The following NRF1 variants were observed in gnomAD, a reference collection of about 807,000 sequenced individuals.
NRF1 encodes the protein alpha palindromic-binding protein.
In NRF1, 5 loss-of-function variants were observed where a neutral mutation model predicts 58.5. The ratio of observed to expected loss-of-function variants is 0.09; its 90% confidence interval spans 0.04 to 0.18. NRF1 has a LOEUF of 0.18. NRF1 is among the 10% of genes least tolerant of loss of function. The pLI, the probability that NRF1 is intolerant of heterozygous loss-of-function variation, is 1.00. For missense variants in NRF1, 288 were observed against 657.7 expected (o/e 0.44, Z 6.15); for synonymous variants, 224 against 246.7 (o/e 0.91, Z 0.86).
At chr7:129,663,746 A>G (rs2151079234) in intron 2 of NRF1, among the ~76,000 whole-genome samples, 1 of 152,302 alleles carries the variant, frequency 6.6e-6, no homozygotes, top group African/African-American at 2.4e-5. Flanking sequence ...AGAGGCTGTA[A>G]TCTTAGCACT....
intron 4 of NRF1, among the ~76,000 whole-genome samples, chr7:129,679,976 T>C (rs916661856): frequency 1.3e-5 from 2 of 151,424 alleles, no homozygotes; most frequent in African/African-American, 4.9e-5. Flanking sequence ...GAAAATCTCT[T>C]GAACCCAGGA....
At chr7:129,702,028 G>A (rs1213118262) in intron 5 of NRF1, among the ~76,000 whole-genome samples, 1 of 152,172 alleles carries the variant, frequency 6.6e-6, no homozygotes, top group East Asian at 1.9e-4. Flanking sequence ...TGCCTTTCTA[G>A]CATGTATTTA....
chr7:129,725,099 G>T (rs143078701), intron 9 of NRF1, among the ~76,000 whole-genome samples: 2 of 152,128 alleles, frequency 1.3e-5, no homozygotes. Context: ...TAGAATGGTG[G>T]TTGCCAGGGG....
intron 6 of NRF1, among the ~76,000 whole-genome samples, chr7:129,710,118 T>TA (rs1803040399): frequency 1.3e-5 from 2 of 152,218 alleles, no homozygotes; most frequent in Non-Finnish European, 2.9e-5. Flanking sequence ...GCAAGAAGTT[T>TA]AAGAGTTTGG....
chr7:129,745,063 CTGAG>C (rs1347943468), intron 10 of NRF1, among the ~76,000 whole-genome samples: 1 of 152,158 alleles, frequency 6.6e-6, no homozygotes, highest in African/African-American at 2.4e-5. Context: ...CTTCCTAACT[CTGAG>C]TAACTCCTGA....
intron 4 of NRF1, among the ~76,000 whole-genome samples, chr7:129,684,742 T>C (rs1458301757): frequency 3.9e-5 from 6 of 152,226 alleles, no homozygotes; most frequent in Non-Finnish European, 8.8e-5. Flanking sequence ...GTGGAAGATA[T>C]GTGGAAAGTA....
chr7:129,726,279 T>C (rs2116247604), intron 9 of NRF1, among the ~76,000 whole-genome samples: 1 of 152,362 alleles, frequency 6.6e-6, no homozygotes, highest in East Asian at 1.9e-4. Flanking sequence ...TTTTTACATC[T>C]CTGAAATTTG....
At chr7:129,634,618 T>A (rs967403155) in intron 1 of NRF1, among the ~76,000 whole-genome samples, 1 of 152,250 alleles carries the variant, frequency 6.6e-6, no homozygotes, top group Admixed American at 6.5e-5. Flanking sequence ...TGTTCAAGTT[T>A]TAGCAATTGT....
At chr7:129,698,478 A>G (rs1167960578) in intron 5 of NRF1, among the ~76,000 whole-genome samples, 4 of 152,148 alleles carry the variant, frequency 2.6e-5, no homozygotes, top group Non-Finnish European at 5.9e-5. Flanking sequence ...CTATTTTAGA[A>G]TTGGAGGAGG....
chr7:129,626,836 T>C (rs1800930190), intron 1 of NRF1, among the ~76,000 whole-genome samples: 1 of 152,258 alleles, frequency 6.6e-6, no homozygotes, highest in Admixed American at 6.5e-5. Flanking sequence ...CAGCTTGCTT[T>C]TGATGCTTCT....
At chr7:129,632,885 AC>A (rs1801082083) in intron 1 of NRF1, among the ~76,000 whole-genome samples, 1 of 152,208 alleles carries the variant, frequency 6.6e-6, no homozygotes, top group Non-Finnish European at 1.5e-5. Context: ...CAGAGATACT[AC>A]AGTCAATATT....
At chr7:129,646,390 T>C (rs1340169551) in intron 1 of NRF1, among the ~76,000 whole-genome samples, 1 of 152,252 alleles carries the variant, frequency 6.6e-6, no homozygotes, top group Non-Finnish European at 1.5e-5. Flanking sequence ...AAACCATGTG[T>C]GGCATTTCAG....
chr7:129,711,682 C>A (rs1803077837), intron 8 of NRF1, 106 bp downstream of exon 8: 1 of 813,244 alleles, frequency 1.2e-6, no homozygotes, highest in Admixed American at 2.7e-5. Context: ...GGCACTCTTT[C>A]ATTTAAACCT....
chr7:129,694,628 A>G (rs1401121306), intron 5 of NRF1, among the ~76,000 whole-genome samples: 3 of 152,236 alleles, frequency 2.0e-5, no homozygotes, highest in African/African-American at 7.2e-5. Flanking sequence ...TTGGCCTCCC[A>G]AAGTGCTGGG....
At position 129,709,462 on chromosome 7, in the gene NRF1, G is replaced by A. The variant is rs73721785; in HGVS notation, c.765+229G>A. Among the ~76,000 whole-genome samples the A allele has an allele frequency of 8.5e-3, 1,292 of 152,262 alleles. 16 individuals are homozygous for A. The highest frequency in any genetic ancestry group is 0.027 in the African/African-American group (1,139 of 41,528). On this transcript the variant is annotated intron_variant, in intron 6 of 10. Transcript: ENST00000393232. ...GATGAATTTAAAATGTGTCTTCGGGGTTGCCTTTTGGAGCAGTTTTAATTT... is the reference window on the plus strand; with the variant it reads ...GATGAATTTAAAATGTGTCTTCGGGATTGCCTTTTGGAGCAGTTTTAATTT...
intron 4 of NRF1, among the ~76,000 whole-genome samples, chr7:129,679,295 TTAAAAGCAGCTGCAAG>T (rs2151087158): frequency 6.6e-6 from 1 of 152,320 alleles, no homozygotes; most frequent in East Asian, 1.9e-4. Flanking sequence ...CTCACAAATG[TTAAAAGCAGCTGCAAG>T]TAATAGAATC....
chr7:129,705,804 A>T (rs1426898935), intron 5 of NRF1, among the ~76,000 whole-genome samples: 5 of 152,170 alleles, frequency 3.3e-5, no homozygotes, highest in African/African-American at 1.2e-4. Context: ...ATAGCTGGGC[A>T]TGGTGGCATG....
chr7:129,715,580 C>G (rs769400857), intron 8 of NRF1, among the ~76,000 whole-genome samples: 10 of 152,144 alleles, frequency 6.6e-5, no homozygotes, highest in Non-Finnish European at 1.2e-4. Context: ...AATTCTACCT[C>G]TAGGCATTTA....
intron 5 of NRF1, among the ~76,000 whole-genome samples, chr7:129,697,785 A>C (rs1337380310): frequency 6.6e-6 from 1 of 151,754 alleles, no homozygotes; most frequent in African/African-American, 2.4e-5. Context: ...CCCAGGCTGG[A>C]GTGAAATGGT....
Sources: allele counts gnomAD v4.1 joint callset (sites outside exome capture counted in the v4.1 genomes callset), GRCh38; gene constraint gnomAD v4.1.1; transcripts MANE v1.5; gene names NCBI Gene and HGNC (gene_info 2026-07-23, HGNC 2026-07-21).